Variants in TEX9 observed in about 807,000 individuals in gnomAD.
TEX9 encodes the protein testis expressed 9.
TEX9 carries 74 observed loss-of-function variants against 59.6 expected under a neutral mutation model. The observed-to-expected ratio is 1.24, with a 90% CI of 1.03 to 1.51. The LOEUF (loss-of-function observed/expected upper bound fraction) is 1.51. Ranked by LOEUF, TEX9 falls within the 40% of genes most tolerant of loss-of-function variation. The pLI is 0.00. For missense variants in TEX9, 522 were observed against 447.8 expected (o/e 1.17, Z -1.49); for synonymous variants, 186 against 152.2 (o/e 1.22, Z -1.64).
At chr15:56,278,131 A>G (rs2044721865) in intron 1 of TEX9, among the ~76,000 whole-genome samples, 1 of 152,054 alleles carries the variant, frequency 6.6e-6, no homozygotes, top group Admixed American at 6.6e-5. Flanking sequence ...TATGTTCTTT[A>G]CAATATTTAT....
At chr15:56,278,911 TA>T (rs1393478699) in intron 1 of TEX9, among the ~76,000 whole-genome samples, 2 of 152,128 alleles carry the variant, frequency 1.3e-5, no homozygotes, top group African/African-American at 4.8e-5. Flanking sequence ...AAATTGATTC[TA>T]GCAAAATCTT....
At chr15:56,301,100 T>C (rs769402927) in intron 1 of TEX9, among the ~76,000 whole-genome samples, 3 of 152,176 alleles carry the variant, frequency 2.0e-5, no homozygotes, top group African/African-American at 4.8e-5. Context: ...GAAAGCTCAA[T>C]GAAATTTAAG....
intron 1 of TEX9, among the ~76,000 whole-genome samples, chr15:56,359,825 T>C (rs1242004017): frequency 2.0e-5 from 3 of 152,158 alleles, no homozygotes; most frequent in Non-Finnish European, 4.4e-5. Context: ...TTTGTGTTGT[T>C]CCTGATCTTA....
chr15:56,426,626 T>TATATATATATATATATATACACAC (rs1214988827), intron 10 of TEX9, among the ~76,000 whole-genome samples: 2 of 47,174 alleles, frequency 4.2e-5, no homozygotes, highest in Non-Finnish European at 1.0e-4. Flanking sequence ...TATATATATA[T>TATATATATATATATATATACACAC]ACACACACAC....
intron 1 of TEX9, among the ~76,000 whole-genome samples, chr15:56,331,141 TTAGA>T (rs2141764650): frequency 6.6e-6 from 1 of 152,232 alleles, no homozygotes; most frequent in African/African-American, 2.4e-5. Context: ...ATTGGAGGAC[TTAGA>T]TATATAAAGC....
chr15:56,369,552 C>CTTTA (rs1470490121), intron 2 of TEX9, among the ~76,000 whole-genome samples: 2 of 151,988 alleles, frequency 1.3e-5, no homozygotes, highest in Non-Finnish European at 2.9e-5. Context: ...CCAGGCTGGT[C>CTTTA]TTTAACTCCT....
chr15:56,268,001 G>A (rs183541924), intron 1 of TEX9, among the ~76,000 whole-genome samples: 43 of 152,154 alleles, frequency 2.8e-4, no homozygotes, highest in Non-Finnish European at 3.5e-4. Flanking sequence ...TTATTTCATT[G>A]AGCAGTGGTT....
intron 1 of TEX9, among the ~76,000 whole-genome samples, chr15:56,307,954 A>T (rs894207438): frequency 6.6e-6 from 1 of 152,188 alleles, no homozygotes; most frequent in Non-Finnish European, 1.5e-5. Flanking sequence ...GACTGGTTAT[A>T]TCATATTTTG....
intron 1 of TEX9, among the ~76,000 whole-genome samples, chr15:56,256,067 C>T (rs1414218841): frequency 6.6e-6 from 1 of 151,756 alleles, no homozygotes; most frequent in East Asian, 1.9e-4. Context: ...AAAACCACTC[C>T]TTTAATACAA....
At chr15:56,255,609 A>G (rs1200523227) in intron 1 of TEX9, among the ~76,000 whole-genome samples, 4 of 152,132 alleles carry the variant, frequency 2.6e-5, no homozygotes, top group African/African-American at 9.6e-5. Flanking sequence ...GAATAATGCG[A>G]AAAGGGTTTG....
intron 1 of TEX9, among the ~76,000 whole-genome samples, chr15:56,357,082 C>T (rs774962530): frequency 5.9e-5 from 9 of 152,080 alleles, no homozygotes; most frequent in Non-Finnish European, 8.8e-5. Context: ...TGACTTTTCC[C>T]ACCAATCCCT....
intron 1 of TEX9, among the ~76,000 whole-genome samples, chr15:56,327,400 G>T (rs1388340543): frequency 1.3e-5 from 2 of 152,146 alleles, no homozygotes; most frequent in African/African-American, 4.8e-5. Flanking sequence ...ATGCTTAAAA[G>T]ATATAAACAG....
chr15:56,447,653 T>C (rs2050916883), downstream of TEX9: 1 of 152,166 alleles, frequency 6.6e-6, no homozygotes, highest in African/African-American at 2.4e-5. Context: ...TAGTTTTCAG[T>C]TTTACTGATC....
intron 12 of TEX9, among the ~76,000 whole-genome samples, chr15:56,435,327 G>C (rs2050703597): frequency 6.6e-6 from 1 of 151,476 alleles, no homozygotes; most frequent in South Asian, 2.1e-4. Flanking sequence ...TAAAACTGTA[G>C]AAATCAATGG....
At chr15:56,457,700 G>A in the TEX9 span, among the ~76,000 whole-genome samples, 2 of 151,854 alleles carry the variant, frequency 1.3e-5, no homozygotes, top group African/African-American at 2.4e-5. Context: ...TGTAGTTCTA[G>A]CTGTATCAGG....
At chr15:56,374,805 T>C (rs1243456046) in intron 3 of TEX9, among the ~76,000 whole-genome samples, 2 of 152,168 alleles carry the variant, frequency 1.3e-5, no homozygotes, top group African/African-American at 4.8e-5. Context: ...GCATGTGAAG[T>C]TTGTCTTTTT....
At chr15:56,340,977 G>A (rs533923379) in intron 1 of TEX9, among the ~76,000 whole-genome samples, 17 of 152,104 alleles carry the variant, frequency 1.1e-4, no homozygotes, top group Non-Finnish European at 1.9e-4. Flanking sequence ...TTCTGAAGTA[G>A]GTCTATTTAG....
intron 1 of TEX9, among the ~76,000 whole-genome samples, chr15:56,332,566 A>G (rs2713916): frequency 0.57 from 85,740 of 150,720 alleles, 24,727 homozygotes; most frequent in Non-Finnish European, 0.6. Flanking sequence ...TCATGTATAC[A>G]TATGTAACTA....
At chr15:56,423,429 T>A (rs1445039388) in intron 10 of TEX9, among the ~76,000 whole-genome samples, 1 of 152,196 alleles carries the variant, frequency 6.6e-6, no homozygotes, top group Non-Finnish European at 1.5e-5. Context: ...CAACTGTGAT[T>A]GGAAAATATA....
Sources: allele counts gnomAD v4.1 joint callset (sites outside exome capture counted in the v4.1 genomes callset), GRCh38; gene constraint gnomAD v4.1.1; transcripts MANE v1.5; gene names NCBI Gene and HGNC (gene_info 2026-07-23, HGNC 2026-07-21).